Variants in TMC1 observed in about 807,000 individuals in gnomAD.
The protein encoded by TMC1 is transmembrane channel-like protein 1.
A neutral mutation model predicts 105.8 loss-of-function variants in TMC1; 84 were observed. The observed-to-expected ratio is 0.79, with a 90% CI of 0.67 to 0.95. TMC1 has a LOEUF of 0.95. Ranked by LOEUF, TMC1 falls within the 40% of genes least tolerant of loss-of-function variation. TMC1 has a pLI of 0.00. For missense variants in TMC1, 817 were observed against 914.1 expected (o/e 0.89, Z 1.37); for synonymous variants, 315 against 311.5 (o/e 1.01, Z -0.12).
At chr9:72,691,734 G>T (rs998466497) in intron 6 of TMC1, among the ~76,000 whole-genome samples, 1 of 152,078 alleles carries the variant, frequency 6.6e-6, no homozygotes, top group Non-Finnish European at 1.5e-5. Flanking sequence ...TCCTGTCCAT[G>T]CCCTGAGACT....
intron 2 of TMC1, among the ~76,000 whole-genome samples, chr9:72,614,800 C>T (rs563894572): frequency 6.6e-6 from 1 of 152,116 alleles, no homozygotes; most frequent in Admixed American, 6.5e-5. Context: ...TGTGTCTCAG[C>T]CTCCTGAGTA....
chr9:72,707,062 A>G (rs1826754938), intron 8 of TMC1, among the ~76,000 whole-genome samples: 1 of 152,222 alleles, frequency 6.6e-6, no homozygotes, highest in African/African-American at 2.4e-5. Context: ...GGCGTAAGCC[A>G]CCATGCCAGG....
chr9:72,545,135 T>TAC (rs1224786397), intron 1 of TMC1, among the ~76,000 whole-genome samples: 335 of 129,562 alleles, frequency 2.6e-3, no homozygotes, highest in East Asian at 6.2e-3. Flanking sequence ...ATGATATATA[T>TAC]ATACACACAC....
chr9:72,800,565 CACACATACTG>C (rs1231829278), intron 17 of TMC1, among the ~76,000 whole-genome samples: 1 of 151,936 alleles, frequency 6.6e-6, no homozygotes. Context: ...GCGATAGTCC[CACACATACTG>C]ACTTAAAAGA....
At chr9:72,682,643 A>C (rs1426647612) in intron 5 of TMC1, among the ~76,000 whole-genome samples, 1 of 152,156 alleles carries the variant, frequency 6.6e-6, no homozygotes, top group Non-Finnish European at 1.5e-5. Flanking sequence ...GAAGAATTGC[A>C]CCCTATTACT....
chr9:72,569,080 C>T (rs1824219753), intron 1 of TMC1, among the ~76,000 whole-genome samples: 1 of 152,082 alleles, frequency 6.6e-6, no homozygotes, highest in Non-Finnish European at 1.5e-5. Context: ...ATTCCAGGAC[C>T]TCCCTCAGAT....
intron 10 of TMC1, 109 bp from the exon 11 acceptor site, chr9:72,751,741 C>A (rs748446910): frequency 3.9e-5 from 29 of 751,744 alleles, no homozygotes; most frequent in Non-Finnish European, 6.0e-5. Context: ...TAAAAAGGAC[C>A]AATGCCTCAC....
In TMC1 at chr9:72,792,252, C is replaced by T. The variant is rs368087393; in HGVS notation, c.1466C>T (p.Ala489Val). The T allele has an allele frequency of 1.9e-6, 3 of 1,614,050 alleles. No individual in the cohort carries two copies. Among genetic ancestry groups the T allele is most frequent in the Non-Finnish European group, 2.5e-6 (3 of 1,179,998 alleles). Reference protein sequence around the residue: ...ITLWEANMIKAYNASFSENST... With the variant: ...ITLWEANMIKVYNASFSENST... ...CTTTGGGAAGCCAATATGATCAAGGCCTACAATGCATCATTCTCTGAAAAT... is the reference window on the plus strand; with the variant it reads ...CTTTGGGAAGCCAATATGATCAAGGTCTACAATGCATCATTCTCTGAAAAT... Residue 489 changes from alanine to valine, a missense_variant, in exon 17 of 24, where the codon GCC becomes GTC. Coordinates refer to ENST00000297784, the MANE Select transcript of TMC1 (RefSeq NM_138691.3).
chr9:72,688,523 G>T (rs1038842273), intron 5 of TMC1, among the ~76,000 whole-genome samples, 186 bp from the exon 6 acceptor site: 1 of 152,044 alleles, frequency 6.6e-6, no homozygotes, highest in Non-Finnish European at 1.5e-5. Flanking sequence ...AAAAATCTTT[G>T]CATGGCATTG....
chr9:72,725,688 A>C (rs545207745), intron 8 of TMC1, among the ~76,000 whole-genome samples: 1 of 151,494 alleles, frequency 6.6e-6, no homozygotes, highest in East Asian at 2.0e-4. Context: ...CTCAAATGTT[A>C]ATCTCTCTCT....
intron 18 of TMC1, among the ~76,000 whole-genome samples, chr9:72,807,217 C>T (rs571973454): frequency 6.6e-5 from 10 of 152,234 alleles, no homozygotes; most frequent in South Asian, 4.1e-4. Context: ...AGTCCAGCTT[C>T]GGCTCAGCAT....
At chr9:72,817,661 G>A (rs1405254598) in intron 19 of TMC1, among the ~76,000 whole-genome samples, 1 of 152,168 alleles carries the variant, frequency 6.6e-6, no homozygotes, top group African/African-American at 2.4e-5. Context: ...TAAGACAACA[G>A]ATTGGTCTAG....
chr9:72,711,956 G>A (rs1826844613), intron 8 of TMC1, among the ~76,000 whole-genome samples: 1 of 152,156 alleles, frequency 6.6e-6, no homozygotes, highest in Non-Finnish European at 1.5e-5. Flanking sequence ...TAAGGTGTAA[G>A]GAAGGAATCC....
chr9:72,704,517 A>G (rs1826701521), intron 8 of TMC1, among the ~76,000 whole-genome samples: 1 of 152,196 alleles, frequency 6.6e-6, no homozygotes, highest in Non-Finnish European at 1.5e-5. Context: ...GATGGTTAAT[A>G]TAAGTGGTTG....
chr9:72,596,345 T>A (rs1824719878), intron 2 of TMC1, among the ~76,000 whole-genome samples: 1 of 152,084 alleles, frequency 6.6e-6, no homozygotes, highest in Non-Finnish European at 1.5e-5. Flanking sequence ...TCTTGAACAA[T>A]TCAGTGTTCC....
intron 6 of TMC1, among the ~76,000 whole-genome samples, chr9:72,691,004 T>G (rs144732876): frequency 6.6e-6 from 1 of 152,150 alleles, no homozygotes; most frequent in Non-Finnish European, 1.5e-5. Context: ...TGACTTTTTC[T>G]TATTCTTTTT....
intron 11 of TMC1, among the ~76,000 whole-genome samples, chr9:72,752,878 A>T (rs1034786811): frequency 1.3e-5 from 2 of 152,208 alleles, no homozygotes; most frequent in Admixed American, 6.5e-5. Context: ...CTTTACATTC[A>T]TAAAGAGATT....
intron 1 of TMC1, among the ~76,000 whole-genome samples, chr9:72,540,795 G>A (rs1246394023): frequency 6.6e-6 from 1 of 152,156 alleles, no homozygotes; most frequent in African/African-American, 2.4e-5. Flanking sequence ...TTGAAACTCA[G>A]CATGACAACA....
chr9:72,614,750 G>A (rs113754243), intron 2 of TMC1, among the ~76,000 whole-genome samples: 15 of 152,144 alleles, frequency 9.9e-5, no homozygotes, highest in Middle Eastern at 3.4e-3. Flanking sequence ...GCGTGATCTC[G>A]GTTCACTGTA....
Sources: gnomAD v4.1 joint callset for allele counts (sites outside exome capture counted in the v4.1 genomes callset) on GRCh38, gnomAD v4.1.1 for gene constraint, MANE v1.5 for transcripts, NCBI Gene and HGNC (gene_info 2026-07-23, HGNC 2026-07-21) for gene names.